Variants in MARCHF1 observed in about 807,000 individuals in gnomAD.
MARCHF1 encodes E3 ubiquitin-protein ligase MARCHF1.
MARCHF1 carries 40 observed loss-of-function variants against 54.2 expected under a neutral mutation model. The observed-to-expected ratio is 0.74, with a 90% confidence interval of 0.57 to 0.96. The LOEUF (loss-of-function observed/expected upper bound fraction) is 0.96. Among genes scored for constraint, MARCHF1 ranks in the 40% least tolerant of loss-of-function variants. MARCHF1 has a pLI of 0.00. For synonymous variants in MARCHF1, 236 were observed against 236.3 expected, an observed-to-expected ratio of 1.00 and a Z score of 0.01; for missense variants, 586 against 656.5, an observed-to-expected ratio of 0.89 and a Z score of 1.17.
chr4:164,205,197 A>T (rs1234853871), intron 1 of MARCHF1, among the ~76,000 whole-genome samples: 3 of 152,234 alleles, frequency 2.0e-5, no homozygotes, highest in Non-Finnish European at 2.9e-5. Context: ...GACAGAAAAG[A>T]AAACAATCTA....
intron 1 of MARCHF1, among the ~76,000 whole-genome samples, chr4:164,235,736 G>A (rs1272280123): frequency 6.6e-6 from 1 of 151,878 alleles, no homozygotes; most frequent in East Asian, 2.0e-4. Context: ...GACTCAGAAG[G>A]GGAAGAGTGG....
intron 1 of MARCHF1, among the ~76,000 whole-genome samples, chr4:164,228,614 A>T (rs1385621365): frequency 6.6e-6 from 1 of 152,168 alleles, no homozygotes; most frequent in Non-Finnish European, 1.5e-5. Context: ...AATTTTGGTA[A>T]TCATGAAAAT....
intron 1 of MARCHF1, among the ~76,000 whole-genome samples, chr4:164,152,437 T>C (rs1199963796): frequency 1.3e-5 from 2 of 152,158 alleles, no homozygotes; most frequent in Non-Finnish European, 2.9e-5. Context: ...GGAATTCTCA[T>C]CAGATGGGTT....
At chr4:163,870,696 G>T (rs1035637749) in intron 3 of MARCHF1, among the ~76,000 whole-genome samples, 1 of 152,002 alleles carries the variant, frequency 6.6e-6, no homozygotes, top group East Asian at 1.9e-4. Flanking sequence ...AAAAATGGAT[G>T]AGCCTGGAGG....
At chr4:164,026,242 A>T (rs1399904187) in intron 2 of MARCHF1, among the ~76,000 whole-genome samples, 1 of 152,124 alleles carries the variant, frequency 6.6e-6, no homozygotes, top group African/African-American at 2.4e-5. Flanking sequence ...CTATGATGCC[A>T]ACATCAGCTT....
intron 1 of MARCHF1, among the ~76,000 whole-genome samples, chr4:164,121,896 T>A (rs904017930): frequency 6.9e-6 from 1 of 144,756 alleles, no homozygotes; most frequent in Non-Finnish European, 1.5e-5. Context: ...TTAAAAAAAA[T>A]GAAACTACAG....
At chr4:163,703,267 G>A (rs988025670) in intron 4 of MARCHF1, among the ~76,000 whole-genome samples, 14 of 151,190 alleles carry the variant, frequency 9.3e-5, no homozygotes, top group African/African-American at 2.9e-4. Flanking sequence ...TCTATATCTT[G>A]CAATTCTGCC....
intron 1 of MARCHF1, among the ~76,000 whole-genome samples, chr4:164,184,353 ACATACC>A (rs1730911515): frequency 1.3e-5 from 2 of 152,212 alleles, no homozygotes; most frequent in South Asian, 4.1e-4. Context: ...TGCTTTTGCC[ACATACC>A]TCTTTTTCAA....
intron 5 of MARCHF1, among the ~76,000 whole-genome samples, chr4:163,643,315 G>A (rs1053551948): frequency 1.1e-5 from 1 of 87,334 alleles, no homozygotes; most frequent in Non-Finnish European, 3.3e-5. Flanking sequence ...GTGACAGAGT[G>A]AGACCCTGTC....
chr4:163,841,319 T>C (rs1384503142), intron 4 of MARCHF1, among the ~76,000 whole-genome samples: 1 of 152,092 alleles, frequency 6.6e-6, no homozygotes, highest in African/African-American at 2.4e-5. Context: ...CTATAACAAA[T>C]GGACCACTTT....
intron 4 of MARCHF1, among the ~76,000 whole-genome samples, chr4:163,716,609 T>C (rs1454996618): frequency 2.0e-5 from 3 of 152,232 alleles, no homozygotes; most frequent in Non-Finnish European, 1.5e-5. Flanking sequence ...TTTGTTATTG[T>C]AGTGTTGTTC....
intron 5 of MARCHF1, among the ~76,000 whole-genome samples, chr4:163,621,551 C>G (rs1202862212): frequency 6.6e-6 from 1 of 152,022 alleles, no homozygotes; most frequent in Non-Finnish European, 1.5e-5. Context: ...TTTTTTTAAA[C>G]AAAGAAAACT....
chr4:163,976,391 C>T (rs551160891), intron 3 of MARCHF1, among the ~76,000 whole-genome samples: 16 of 152,014 alleles, frequency 1.1e-4, no homozygotes, highest in South Asian at 1.0e-3. Flanking sequence ...GAGGTCTTGG[C>T]GAAGGATAAA....
rs1419020808 is a variant in MARCHF1, at chr4:164,004,846, T to C, written c.-247-16137A>G. Among the ~76,000 whole-genome samples the C allele has an allele frequency of 3.3e-5, 5 of 151,902 alleles. No individual in the cohort carries two copies. In the South Asian group the frequency reaches 1.0e-3, roughly 31 times the overall value. ...AATTAGTGAGATGTACTTAAATAAG[T>C]GCTCCAGAAGAAATTATGGCTCTCA... On this transcript the variant is annotated intron_variant, in intron 2 of 9. Transcript: ENST00000514618.
At chr4:164,082,519 C>G (rs1305813251) in intron 2 of MARCHF1, among the ~76,000 whole-genome samples, 1 of 152,090 alleles carries the variant, frequency 6.6e-6, no homozygotes, top group Non-Finnish European at 1.5e-5. Flanking sequence ...GGAAAATAAG[C>G]AGAGAGATTA....
intron 1 of MARCHF1, among the ~76,000 whole-genome samples, chr4:164,248,298 G>T (rs749653264): frequency 2.6e-5 from 4 of 151,966 alleles, no homozygotes; most frequent in Non-Finnish European, 4.4e-5. Context: ...TTTAGCAGTT[G>T]AATTTAATTA....
At chr4:163,581,010 G>A (rs1364966347) in intron 8 of MARCHF1, among the ~76,000 whole-genome samples, 1 of 47,312 alleles carries the variant, frequency 2.1e-5, no homozygotes, top group Admixed American at 2.3e-4. Context: ...CACCTTGTTA[G>A]CCAGGATGGT....
chr4:163,987,806 G>T (rs1333075445), intron 3 of MARCHF1, among the ~76,000 whole-genome samples: 1 of 152,116 alleles, frequency 6.6e-6, no homozygotes, highest in East Asian at 1.9e-4. Context: ...TAAGTTTCCA[G>T]CATATGATCT....
At chr4:163,557,485 G>GTC (rs1307072857) in intron 8 of MARCHF1, among the ~76,000 whole-genome samples, 4 of 144,058 alleles carry the variant, frequency 2.8e-5, no homozygotes, top group African/African-American at 7.6e-5. Flanking sequence ...ATGCCAAGGG[G>GTC]TGTGTTTTTT....
Sources: allele counts gnomAD v4.1 joint callset (sites outside exome capture counted in the v4.1 genomes callset), GRCh38; gene constraint gnomAD v4.1.1; transcripts MANE v1.5; gene names NCBI Gene and HGNC (gene_info 2026-07-23, HGNC 2026-07-21).